The following KIAA1217 variants were observed in gnomAD, a reference collection of about 807,000 sequenced individuals.
The protein encoded by KIAA1217 is sickle tail protein homolog.
KIAA1217 carries 88 observed loss-of-function variants against 163.9 expected under a neutral mutation model. The observed-to-expected ratio is 0.54, with a 90% CI of 0.45 to 0.64. The LOEUF (loss-of-function observed/expected upper bound fraction) is 0.64, where lower values mean the gene tolerates loss of function less well. KIAA1217 is among the 30% of genes least tolerant of loss of function. KIAA1217 has a pLI of 0.00. For synonymous variants in KIAA1217, 903 were observed against 923.1 expected (o/e 0.98, Z 0.39); for missense variants, 2,372 against 2,475.0 (o/e 0.96, Z 0.88).
rs377210947 is a variant in KIAA1217, at chr10:24,315,235, C to T, written c.355-65634C>T. ...GTTCAAAATACCTGCAGAAAATCAA[C>T]GCTGCTACACCCAAAAGAAAAGGAA... On this transcript the variant is annotated intron_variant, in intron 2 of 20. Transcript: ENST00000376454. 1.5e-3 allele frequency among the ~76,000 whole-genome samples: 221 copies of T among 152,246 alleles called. 1 individual carries two copies. Among genetic ancestry groups the T allele is most frequent in the African/African-American group, 5.2e-3 (216 of 41,556 alleles).
rs115078016 is a variant in KIAA1217, at chr10:23,819,239, T to C, written c.-321+124005T>C. On this transcript the variant is annotated intron_variant, in intron 1 of 18. Transcript: ENST00000376462. ...AAAAGACTGCATTGTCCAGGTTCCT[T>C]GCAGTCAGATAGGGCCACATGACTA... Among the ~76,000 whole-genome samples, 792 of 152,278 alleles carry C rather than the reference T, an allele frequency of 5.2e-3. 5 individuals carry two copies. The highest frequency in any genetic ancestry group is 0.018 in the African/African-American group (764 of 41,560).
intron 1 of KIAA1217, among the ~76,000 whole-genome samples, chr10:23,911,974 G>A (rs1257035216): frequency 6.6e-6 from 1 of 152,150 alleles, no homozygotes; most frequent in Non-Finnish European, 1.5e-5. Flanking sequence ...TGTGGCATCA[G>A]CGTAGGAGGC....
intron 2 of KIAA1217, among the ~76,000 whole-genome samples, chr10:24,248,602 C>T (rs905995932): frequency 9.5e-5 from 12 of 126,480 alleles, no homozygotes; most frequent in African/African-American, 3.3e-4. Flanking sequence ...ACTTGGGAGG[C>T]GGAGGTTGCA....
chr10:23,797,327 A>T (rs943830071), intron 1 of KIAA1217, among the ~76,000 whole-genome samples: 2 of 152,148 alleles, frequency 1.3e-5, no homozygotes, highest in Admixed American at 1.3e-4. Context: ...TACCCTGAAG[A>T]TAAGACATTT....
At chr10:23,743,541 A>G (rs1230701946) in intron 1 of KIAA1217, among the ~76,000 whole-genome samples, 1 of 152,184 alleles carries the variant, frequency 6.6e-6, no homozygotes, top group African/African-American at 2.4e-5. Flanking sequence ...GCTCTAAGGG[A>G]TGAAGGATCT....
chr10:23,824,651 T>A (rs12770502), intron 1 of KIAA1217, among the ~76,000 whole-genome samples: 12,945 of 71,574 alleles, frequency 0.18, 1,980 homozygotes, highest in Middle Eastern at 0.26. Flanking sequence ...AAAAAAAAAA[T>A]AAAAAAAATA....
intron 2 of KIAA1217, among the ~76,000 whole-genome samples, chr10:24,032,679 T>C (rs1452745366): frequency 3.9e-5 from 6 of 152,198 alleles, no homozygotes; most frequent in African/African-American, 1.4e-4. Context: ...ATGTAAAGCC[T>C]CAGGGATAAA....
chr10:23,926,062 G>C (rs1843006890), intron 1 of KIAA1217, among the ~76,000 whole-genome samples: 1 of 152,172 alleles, frequency 6.6e-6, no homozygotes, highest in South Asian at 2.1e-4. Context: ...TACTGAGGCA[G>C]AGACTGCACC....
At chr10:23,704,172 G>GTGTATATATATATATATATATA (rs1229370789) in intron 1 of KIAA1217, among the ~76,000 whole-genome samples, 1 of 39,928 alleles carries the variant, frequency 2.5e-5, no homozygotes, top group Non-Finnish European at 4.1e-5. Context: ...GTGTGTGTGT[G>GTGTATATATATATATATATATA]TATATATATA....
chr10:24,296,099 AT>A (rs1286319636), intron 2 of KIAA1217, among the ~76,000 whole-genome samples: 8 of 151,644 alleles, frequency 5.3e-5, no homozygotes, highest in Admixed American at 1.3e-4. Flanking sequence ...CAGAATTCAC[AT>A]TTTTTTTCTT....
intron 3 of KIAA1217, among the ~76,000 whole-genome samples, chr10:24,427,246 C>T (rs1269595028): frequency 6.6e-6 from 1 of 151,854 alleles, no homozygotes; most frequent in African/African-American, 2.4e-5. Flanking sequence ...CCATTCTAAC[C>T]CTGTGATGGC....
At chr10:24,296,665 G>C (rs376184590) in intron 2 of KIAA1217, among the ~76,000 whole-genome samples, 1 of 152,116 alleles carries the variant, frequency 6.6e-6, no homozygotes, top group African/African-American at 2.4e-5. Context: ...TCTTAAAAAC[G>C]TGGAAACCCT....
At chr10:23,999,012 C>T (rs184221254) in intron 1 of KIAA1217, among the ~76,000 whole-genome samples, 2 of 151,970 alleles carry the variant, frequency 1.3e-5, no homozygotes, top group African/African-American at 2.4e-5. Flanking sequence ...TCATTGGGAT[C>T]GCTTTATATT....
intron 2 of KIAA1217, among the ~76,000 whole-genome samples, chr10:24,309,346 G>GCA (rs1395014065): frequency 2.6e-4 from 35 of 133,724 alleles, no homozygotes; most frequent in African/African-American, 3.5e-4. Context: ...GCGCACGCGC[G>GCA]CGCGCACACA....
intron 2 of KIAA1217, among the ~76,000 whole-genome samples, chr10:24,106,147 A>G (rs2062618827): frequency 6.6e-6 from 1 of 152,130 alleles, no homozygotes; most frequent in South Asian, 2.1e-4. Flanking sequence ...TCCAGGACAC[A>G]AGGGTGGCAG....
chr10:23,855,584 C>T (rs2131113938), intron 1 of KIAA1217, among the ~76,000 whole-genome samples: 1 of 152,190 alleles, frequency 6.6e-6, no homozygotes, highest in African/African-American at 2.4e-5. Context: ...TGGGGAAGTT[C>T]TGGATAATAT....
chr10:24,437,246 C>G, intron 4 of KIAA1217, among the ~76,000 whole-genome samples: 1 of 152,160 alleles, frequency 6.6e-6, no homozygotes. Context: ...TCATATTCAC[C>G]CAGCCCCCTT....
At chr10:24,115,066 C>T (rs1430641194) in intron 2 of KIAA1217, among the ~76,000 whole-genome samples, 2 of 152,214 alleles carry the variant, frequency 1.3e-5, no homozygotes, top group African/African-American at 4.8e-5. Flanking sequence ...AGTTTTTCTA[C>T]ATCATATTGC....
rs183379855 is a variant in KIAA1217, at chr10:23,992,740, C to T, written c.-320-14485C>T. On this transcript the variant is annotated intron_variant, in intron 1 of 18. Transcript: ENST00000376462. Reference sequence around the variant, plus strand: ...CCCCTAACACTGTCAAAGTGGCATGCCTGTTGGCCCCTACAAATGCACGAG... The same window carrying T: ...CCCCTAACACTGTCAAAGTGGCATGTCTGTTGGCCCCTACAAATGCACGAG... Among the ~76,000 whole-genome samples, 243 of 151,638 alleles carry T rather than the reference C, an allele frequency of 1.6e-3. 8 individuals carry two copies. The highest frequency in any genetic ancestry group is 5.8e-3 in the African/African-American group (238 of 41,106).
Sources: gnomAD v4.1 joint callset for allele counts (sites outside exome capture counted in the v4.1 genomes callset) on GRCh38, gnomAD v4.1.1 for gene constraint, MANE v1.5 for transcripts, NCBI Gene and HGNC (gene_info 2026-07-23, HGNC 2026-07-21) for gene names.